The following ICA1 variants were observed in gnomAD, a reference collection of about 807,000 sequenced individuals.
ICA1 encodes the protein 69 kDa islet cell autoantigen.
ICA1 carries 40 observed loss-of-function variants against 71.0 expected under a neutral mutation model. The observed-to-expected ratio is 0.56, with a 90% CI of 0.44 to 0.73. The LOEUF is 0.73. Ranked by LOEUF, ICA1 falls within the 30% of genes least tolerant of loss-of-function variation. The pLI is 0.00. For synonymous variants in ICA1, 207 were observed against 209.5 expected (o/e 0.99, Z 0.10); for missense variants, 578 against 576.5 (o/e 1.00, Z -0.03).
intron 1 of ICA1, among the ~76,000 whole-genome samples, chr7:8,239,297 T>C (rs1306405708): frequency 6.6e-6 from 1 of 152,242 alleles, no homozygotes; most frequent in Non-Finnish European, 1.5e-5. Flanking sequence ...ATTATAATTG[T>C]TATCCATTCA....
At chr7:8,240,139 T>C (rs535491127) in intron 1 of ICA1, among the ~76,000 whole-genome samples, 52 of 152,312 alleles carry the variant, frequency 3.4e-4, no homozygotes, top group Non-Finnish European at 8.8e-5. Flanking sequence ...CACCTCCCAG[T>C]AGGGGCTGAC....
chr7:8,219,814 C>A (rs181798486), intron 5 of ICA1, among the ~76,000 whole-genome samples: 111 of 152,340 alleles, frequency 7.3e-4, no homozygotes, highest in African/African-American at 2.5e-3. Flanking sequence ...GAGTCCTCAG[C>A]TATCTCCCTA....
intron 6 of ICA1, among the ~76,000 whole-genome samples, chr7:8,200,984 C>A (rs1789446409): frequency 6.6e-6 from 1 of 152,218 alleles, no homozygotes; most frequent in African/African-American, 2.4e-5. Context: ...AAAAACCCCA[C>A]AAATTTCATT....
intron 8 of ICA1, among the ~76,000 whole-genome samples, chr7:8,151,411 C>G (rs1419668281): frequency 1.3e-5 from 2 of 152,230 alleles, no homozygotes; most frequent in Admixed American, 1.3e-4. Context: ...CCTCCACTCC[C>G]TCCTTTCTTG....
chr7:8,152,587 C>A (rs112585191), intron 8 of ICA1, among the ~76,000 whole-genome samples: 3,732 of 31,308 alleles, frequency 0.12, 9 homozygotes, highest in Middle Eastern at 0.24. Flanking sequence ...ATCTCCTTCA[C>A]CACCACTACC....
intron 1 of ICA1, among the ~76,000 whole-genome samples, chr7:8,241,684 G>A (rs1369249867): frequency 2.0e-5 from 3 of 152,126 alleles, no homozygotes; most frequent in Non-Finnish European, 2.9e-5. Flanking sequence ...CACAGACAGA[G>A]ACACACATAG....
At chr7:8,208,846 A>G (rs1792583430) in intron 6 of ICA1, among the ~76,000 whole-genome samples, 1 of 152,206 alleles carries the variant, frequency 6.6e-6, no homozygotes, top group African/African-American at 2.4e-5. Flanking sequence ...CCCTGCAGCC[A>G]AAAGCATTAA....
chr7:8,221,695 G>A (rs566804332), intron 4 of ICA1, among the ~76,000 whole-genome samples: 7 of 152,316 alleles, frequency 4.6e-5, no homozygotes, highest in Admixed American at 1.3e-4. Flanking sequence ...ATAGTGTGCG[G>A]CTTCGAGCTG....
chr7:8,199,537 CCT>C (rs1271943262), intron 6 of ICA1, among the ~76,000 whole-genome samples: 3 of 151,982 alleles, frequency 2.0e-5, no homozygotes, highest in Non-Finnish European at 4.4e-5. Flanking sequence ...ATGGTGAAAC[CCT>C]GTCTCTACTA....
At chr7:8,153,431 G>A (rs1422004146) in intron 8 of ICA1, among the ~76,000 whole-genome samples, 1 of 152,072 alleles carries the variant, frequency 6.6e-6, no homozygotes, top group Non-Finnish European at 1.5e-5. Flanking sequence ...CCAGATAGAG[G>A]GAAAATGGTC....
intron 13 of ICA1, 97 bp from the exon 14 acceptor site, chr7:8,114,141 A>G (rs1270688712): frequency 7.5e-7 from 1 of 1,327,980 alleles, no homozygotes; most frequent in African/African-American, 1.4e-5. Context: ...TCAAATGCAG[A>G]TTGTTCAATC....
At chr7:8,186,149 A>T (rs924199963) in intron 6 of ICA1, among the ~76,000 whole-genome samples, 1 of 152,238 alleles carries the variant, frequency 6.6e-6, no homozygotes, top group African/African-American at 2.4e-5. Context: ...ATCAAGCGAC[A>T]GCAATTCAGA....
intron 12 of ICA1, among the ~76,000 whole-genome samples, chr7:8,128,704 T>C (rs1261952763): frequency 6.6e-6 from 1 of 152,128 alleles, no homozygotes; most frequent in African/African-American, 2.4e-5. Context: ...TTGCTGAAAC[T>C]CCATTGCATG....
intron 8 of ICA1, among the ~76,000 whole-genome samples, chr7:8,147,066 T>C (rs776213902): frequency 6.6e-6 from 1 of 151,966 alleles, no homozygotes; most frequent in Non-Finnish European, 1.5e-5. Flanking sequence ...ATCTTCTCAT[T>C]GTGTTTCCTT....
At chr7:8,253,560 T>G (rs192887727) in intron 1 of ICA1, among the ~76,000 whole-genome samples, 4 of 152,310 alleles carry the variant, frequency 2.6e-5, no homozygotes, top group Admixed American at 2.6e-4. Flanking sequence ...GGTCCACCTA[T>G]ACACCAGTTT....
intron 12 of ICA1, among the ~76,000 whole-genome samples, chr7:8,134,765 G>A (rs565955226): frequency 6.6e-6 from 1 of 152,046 alleles, no homozygotes; most frequent in South Asian, 2.1e-4. Flanking sequence ...TAAGAACTTC[G>A]CTCTGATGAA....
At chr7:8,209,443 C>G (rs1024739150) in intron 6 of ICA1, among the ~76,000 whole-genome samples, 14 of 152,134 alleles carry the variant, frequency 9.2e-5, no homozygotes, top group Non-Finnish European at 7.3e-5. Flanking sequence ...CAAATGACTC[C>G]TCGCTTGCAT....
At chr7:8,251,090 C>A (rs1338236037) in intron 1 of ICA1, among the ~76,000 whole-genome samples, 1 of 151,806 alleles carries the variant, frequency 6.6e-6, no homozygotes, top group Non-Finnish European at 1.5e-5. Flanking sequence ...TAGTAAAATG[C>A]CTCCCAATGC....
Position 8,158,644 on chromosome 7 carries a change from T to A in ICA1, c.588A>T (p.Thr196=). 6.2e-7 allele frequency: 1 copy of A among 1,613,916 alleles called. No homozygotes were observed. Among genetic ancestry groups the A allele is most frequent in the East Asian group, 2.2e-5 (1 of 44,866 alleles). ...AGTTTTTTTTTGCAAGGCGCACTTG[T>A]GTTTGTACCTATGAAAATAAAGAGG... The part of the protein sequence containing the change: ...KQMEKFRKVQ[T]QVRLAKKNFD... The change falls in exon 7 of 14, where the codon ACA becomes ACT. Residue 196 remains threonine (T), a synonymous_variant. Transcript: ENST00000402384.
Sources: gnomAD v4.1 joint callset for allele counts (sites outside exome capture counted in the v4.1 genomes callset) on GRCh38, gnomAD v4.1.1 for gene constraint, MANE v1.5 for transcripts, NCBI Gene and HGNC (gene_info 2026-07-23, HGNC 2026-07-21) for gene names.